LAMC1: variants seen among roughly 807,000 people sequenced by gnomAD.
LAMC1 encodes laminin subunit gamma-1.
In LAMC1, 38 loss-of-function variants were observed where a neutral mutation model predicts 173.6. That is an observed-to-expected ratio of 0.22 (90% CI 0.17 to 0.29). The LOEUF (loss-of-function observed/expected upper bound fraction) is 0.29. Among genes scored for constraint, LAMC1 ranks in the 10% least tolerant of loss-of-function variants. The probability of loss-of-function intolerance (pLI) is 1.00; values close to 1 mark genes in which losing one functional copy is unlikely to be tolerated. For missense variants in LAMC1, 1,824 were observed against 2,051.8 expected, an observed-to-expected ratio of 0.89 and a Z score of 2.14; for synonymous variants, 746 against 749.1, an observed-to-expected ratio of 1.00 and a Z score of 0.07.
rs1036811374 is a variant in LAMC1, at chr1:183,136,992, A to G, written c.4314+407A>G. 2.6e-5 allele frequency among the ~76,000 whole-genome samples: 4 copies of G among 152,236 alleles called. No individual in the cohort carries two copies. In the East Asian group the frequency reaches 7.7e-4, roughly 29 times the overall value. Reference sequence around the variant, plus strand: ...CCTTTCAAGTATATTGCCATATGTAAGCCACTCCTAGGAGAGACTTCCCAT... The same window carrying G: ...CCTTTCAAGTATATTGCCATATGTAGGCCACTCCTAGGAGAGACTTCCCAT... On this transcript the variant is annotated intron_variant, in intron 25 of 27. Transcript: ENST00000258341.
At chr1:183,117,049 G>T in intron 8 of LAMC1, 146 bp downstream of exon 8, 4 of 873,492 alleles carry the variant, frequency 4.6e-6, no homozygotes, top group South Asian at 2.0e-5. Context: ...TTGTAGTTTG[G>T]CCTTTTAATT....
chr1:183,023,605 G>GC lies in LAMC1; in HGVS notation c.-108dup. The GC allele has an allele frequency of 1.2e-6, 1 of 829,496 alleles. No homozygotes were observed. Among genetic ancestry groups the GC allele is most frequent in the Non-Finnish European group, 1.5e-6 (1 of 655,300 alleles). The allele number at this position is 829,496 out of a possible 1,614,324, so 51.4% of individuals were successfully genotyped here. On this transcript the variant is annotated 5_prime_UTR_variant, in exon 1 of 28. Transcript: ENST00000258341. ...CCGCCACCGCCCGCGCCGGAGTCAG[G>GC]CCCCTGGGCCCCCAGGCTCAAGCAG... is the stretch of plus-strand genomic sequence containing the variant.
intron 1 of LAMC1, among the ~76,000 whole-genome samples, chr1:183,064,531 A>G (rs1558036762): frequency 6.6e-6 from 1 of 152,208 alleles, no homozygotes; most frequent in Admixed American, 6.5e-5. Flanking sequence ...TATATTTTTA[A>G]AAGATTAATA....
intron 1 of LAMC1, among the ~76,000 whole-genome samples, chr1:183,090,982 C>T (rs1321245613): frequency 6.6e-6 from 1 of 152,144 alleles, no homozygotes; most frequent in Non-Finnish European, 1.5e-5. Context: ...AAATCTCCAT[C>T]CCCTCCCCTA....
At chr1:183,057,439 C>T (rs1654627273) in intron 1 of LAMC1, among the ~76,000 whole-genome samples, 1 of 152,174 alleles carries the variant, frequency 6.6e-6, no homozygotes, top group East Asian at 1.9e-4. Context: ...TCCTGACTAT[C>T]CCAAACCATA....
chr1:183,103,402 C>A lies in LAMC1; in HGVS notation c.493C>A (p.Arg165Ser), dbSNP rs749241715. The A allele has an allele frequency of 1.2e-6, 2 of 1,614,060 alleles. No individual in the cohort carries two copies. Among genetic ancestry groups the A allele is most frequent in the African/African-American group, 1.3e-5 (1 of 74,922 alleles). The change falls in exon 2 of 28, where the codon CGC (arginine) becomes AGC (serine). Residue 165 changes from arginine (R) to serine (S), a missense_variant. Physicochemically the swap from Arg to Ser is moderately radical, Grantham distance 110. Transcript: ENST00000258341. ...SRPESFAIYKRTREDGPWIPY... is the reference protein window; with the variant it reads ...SRPESFAIYKSTREDGPWIPY... ...CCCGGAGAGCTTTGCCATTTACAAG[C>A]GCACACGGGAAGACGGGCCCTGGAT... is the stretch of plus-strand genomic sequence containing the variant.
intron 6 of LAMC1, 57 bp downstream of exon 6, chr1:183,115,694 A>G (rs1432324116): frequency 1.8e-6 from 2 of 1,119,022 alleles, no homozygotes; most frequent in Non-Finnish European, 2.7e-6. Context: ...GTCAACACAT[A>G]TTAATAGATC....
In LAMC1 at chr1:183,133,546, T is replaced by A. The variant is rs1192411324; in HGVS notation, c.3845T>A (p.Leu1282Gln). The A allele has an allele frequency of 1.2e-6, 2 of 1,610,842 alleles. No homozygotes were observed. Among genetic ancestry groups the A allele is most frequent in the Admixed American group, 1.7e-5 (1 of 59,820 alleles). The stretch of plus-strand genomic sequence containing the variant: ...CTGAGCCCTTTGGACTCTGAGACAC[T>A]GGAGGTATGGGGGCAGCCTGTACGC... ...AQLSPLDSET[L>Q]ENEANNIKME... Residue 1282 changes from leucine (L) to glutamine (Q), a missense_variant, in exon 22 of 28, where the codon CTG becomes CAG. Transcript: ENST00000258341.
chr1:183,090,930 C>T (rs1032786577), intron 1 of LAMC1, among the ~76,000 whole-genome samples: 1 of 152,092 alleles, frequency 6.6e-6, no homozygotes, highest in Non-Finnish European at 1.5e-5. Flanking sequence ...TGTATAAGAG[C>T]TAAAGGTTAT....
At chr1:183,064,876 G>A (rs1654836963) in intron 1 of LAMC1, among the ~76,000 whole-genome samples, 1 of 152,128 alleles carries the variant, frequency 6.6e-6, no homozygotes. Context: ...CAGCAGCTCA[G>A]GAACCAACTT....
chr1:183,043,335 C>G (rs184478901), intron 1 of LAMC1, among the ~76,000 whole-genome samples: 3 of 152,244 alleles, frequency 2.0e-5, no homozygotes, highest in Admixed American at 1.3e-4. Flanking sequence ...GTATTGTTGT[C>G]ACACATTATG....
At chr1:183,074,239 C>G (rs1655075595) in intron 1 of LAMC1, among the ~76,000 whole-genome samples, 1 of 151,924 alleles carries the variant, frequency 6.6e-6, no homozygotes, top group Admixed American at 6.6e-5. Context: ...TATTTTTATA[C>G]AAAAAAACAG....
intron 22 of LAMC1, 40 bp from the exon 23 acceptor site, chr1:183,134,620 G>GT: frequency 6.5e-7 from 1 of 1,549,954 alleles, no homozygotes; most frequent in Admixed American, 1.9e-5. Context: ...TAGTTTAAAT[G>GT]TTTTATCCAA....
intron 1 of LAMC1, among the ~76,000 whole-genome samples, chr1:183,063,929 G>A (rs1184666392): frequency 6.6e-6 from 1 of 152,070 alleles, no homozygotes; most frequent in Non-Finnish European, 1.5e-5. Context: ...TACCTCGCAC[G>A]TAGTTCATTC....
intron 21 of LAMC1, among the ~76,000 whole-genome samples, 199 bp from the exon 22 acceptor site, chr1:183,133,207 G>A (rs571873244): frequency 9.2e-5 from 14 of 152,214 alleles, no homozygotes; most frequent in African/African-American, 2.9e-4. Context: ...CACTGTGCCC[G>A]GCCAAGCCAT....
intron 18 of LAMC1, among the ~76,000 whole-genome samples, chr1:183,129,082 C>CTTTTTTTTTTTTTTTTTTTTTTT (rs201079710): frequency 9.1e-6 from 1 of 110,016 alleles, no homozygotes; most frequent in Non-Finnish European, 1.8e-5. Context: ...TCTTCATAAG[C>CTTTTTTTTTTTTTTTTTTTTTTT]TTTTTTTTTT....
intron 4 of LAMC1, among the ~76,000 whole-genome samples, chr1:183,113,315 A>G (rs1457758588): frequency 6.6e-6 from 1 of 152,202 alleles, no homozygotes; most frequent in African/African-American, 2.4e-5. Context: ...CAAAAAACAA[A>G]CAAATCAAAA....
intron 1 of LAMC1, among the ~76,000 whole-genome samples, chr1:183,083,451 T>C (rs954144352): frequency 6.6e-6 from 1 of 152,224 alleles, no homozygotes; most frequent in Non-Finnish European, 1.5e-5. Context: ...TGCTGGTATG[T>C]CCTGAGACTG....
At chr1:183,047,365 A>G (rs1015917566) in intron 1 of LAMC1, among the ~76,000 whole-genome samples, 1 of 152,208 alleles carries the variant, frequency 6.6e-6, no homozygotes, top group African/African-American at 2.4e-5. Flanking sequence ...ACAGAGTGTG[A>G]TAAATTTCTC....
Sources: allele counts gnomAD v4.1 joint callset (sites outside exome capture counted in the v4.1 genomes callset), GRCh38; gene constraint gnomAD v4.1.1; transcripts MANE v1.5; gene names NCBI Gene and HGNC (gene_info 2026-07-23, HGNC 2026-07-21).